SERINC1: variants seen among roughly 807,000 people sequenced by gnomAD.
SERINC1 encodes the protein serine incorporator 1.
In SERINC1, 38 loss-of-function variants were observed where a neutral mutation model predicts 52.9. That is an observed-to-expected ratio of 0.72 (90% CI 0.55 to 0.94). The LOEUF (loss-of-function observed/expected upper bound fraction) is 0.94. Ranked by LOEUF, SERINC1 falls within the 40% of genes least tolerant of loss-of-function variation. The pLI is 0.00. For synonymous variants in SERINC1, 198 were observed against 183.1 expected (o/e 1.08, Z -0.66); for missense variants, 471 against 533.9 (o/e 0.88, Z 1.16).
intron 7 of SERINC1, among the ~76,000 whole-genome samples, chr6:122,451,343 A>G (rs1168387664): frequency 6.6e-6 from 1 of 152,184 alleles, no homozygotes; most frequent in Non-Finnish European, 1.5e-5. Flanking sequence ...ATGCTATGGC[A>G]CACAACAGAC....
At position 122,445,883 on chromosome 6, in the gene SERINC1, C is replaced by CAAAA. The variant is rs71018202; in HGVS notation, c.1227-708_1227-705dup. Reference sequence around the variant, plus strand: ...TGGGTGACAGAGCAAGACTCCATTTCAAAAAAAAAAAAAAAAAGAACCAGC... The same window carrying CAAAA: ...TGGGTGACAGAGCAAGACTCCATTTCAAAAAAAAAAAAAAAAAAAAAGAACCAGC... On this transcript the variant is annotated intron_variant, in intron 9 of 9. Coordinates refer to ENST00000339697, the MANE Select transcript of SERINC1 (RefSeq NM_020755.4). Among the ~76,000 whole-genome samples the CAAAA allele has an allele frequency of 6.1e-3, 381 of 62,788 alleles. 37 individuals are homozygous for CAAAA. The highest frequency in any genetic ancestry group is 0.013 in the Middle Eastern group (1 of 76). The allele number at this position is 62,788 out of a possible 152,430, so 41.2% of individuals were successfully genotyped here.
chr6:122,465,122 A>G (rs1454858047), intron 1 of SERINC1, among the ~76,000 whole-genome samples: 1 of 152,160 alleles, frequency 6.6e-6, no homozygotes, highest in African/African-American at 2.4e-5. Flanking sequence ...TCCCAGAACA[A>G]ATCTAGGAAG....
chr6:122,466,316 T>C (rs1430799498), intron 1 of SERINC1, among the ~76,000 whole-genome samples: 1 of 152,152 alleles, frequency 6.6e-6, no homozygotes, highest in African/African-American at 2.4e-5. Context: ...TGTTTGTTTT[T>C]TGAGACAGAG....
chr6:122,451,568 C>T, intron 7 of SERINC1, 96 bp downstream of exon 7: 1 of 461,040 alleles, frequency 2.2e-6, no homozygotes, highest in Non-Finnish European at 3.9e-6. Context: ...CCTCTAGAAG[C>T]CTAATTTTTA....
At chr6:122,451,513 A>C (rs916011876) in intron 7 of SERINC1, 151 bp downstream of exon 7, 1 of 286,848 alleles carries the variant, frequency 3.5e-6, no homozygotes, top group Non-Finnish European at 6.6e-6. Flanking sequence ...GAAGAAACTA[A>C]GTGAAATAAA....
At position 122,454,198 on chromosome 6, in the gene SERINC1, G is replaced by T; in HGVS notation, c.404C>A (p.Ala135Glu). The T allele has an allele frequency of 6.3e-7, 1 of 1,585,216 alleles. No homozygotes were observed. Among genetic ancestry groups the T allele is most frequent in the South Asian group, 1.2e-5 (1 of 84,140 alleles). ...AATGAAGAATGCCCCAATAATAATTGCAATTGCTGCAGCAAATTTAAAGAA... is the reference window on the plus strand; with the variant it reads ...AATGAAGAATGCCCCAATAATAATTTCAATTGCTGCAGCAAATTTAAAGAA... Reference protein sequence around the residue: ...FWFFKFAAAIAIIIGAFFIPE... With the variant: ...FWFFKFAAAIEIIIGAFFIPE... Residue 135 changes from alanine (A) to glutamate (E), a missense_variant, in exon 4 of 10, where the codon GCA becomes GAA. Physicochemically the swap from Ala to Glu is moderately radical, Grantham distance 107. Coordinates refer to ENST00000339697, the MANE Select transcript of SERINC1 (RefSeq NM_020755.4).
intron 5 of SERINC1, among the ~76,000 whole-genome samples, chr6:122,452,478 T>C (rs1774928596): frequency 6.6e-6 from 1 of 152,184 alleles, no homozygotes; most frequent in Admixed American, 6.6e-5. Context: ...TCATTATTAA[T>C]GTTAAGCCCT....
chr6:122,453,171 C>A (rs1441285994), intron 5 of SERINC1, among the ~76,000 whole-genome samples: 14 of 152,050 alleles, frequency 9.2e-5, no homozygotes, highest in Non-Finnish European at 1.9e-4. Context: ...TCCTCCTGTT[C>A]CCTCATTTTT....
intron 7 of SERINC1, among the ~76,000 whole-genome samples, chr6:122,450,408 C>T (rs1251141420): frequency 2.0e-5 from 3 of 152,290 alleles, no homozygotes; most frequent in South Asian, 2.1e-4. Context: ...TACTCAATGA[C>T]GATGCACCTG....
intron 1 of SERINC1, among the ~76,000 whole-genome samples, chr6:122,458,917 C>T (rs368925419): frequency 5.3e-5 from 8 of 151,998 alleles, no homozygotes; most frequent in South Asian, 4.2e-4. Context: ...CCAAGTAAAA[C>T]GGACAAATCA....
intron 2 of SERINC1, 80 bp from the exon 3 acceptor site, chr6:122,456,730 A>C (rs1582634050): frequency 9.1e-7 from 1 of 1,095,498 alleles, no homozygotes. Flanking sequence ...CAAATAGTTT[A>C]AGTAAAGGTT....
chr6:122,452,256 A>C (rs1291210543), intron 5 of SERINC1, among the ~76,000 whole-genome samples, 199 bp from the exon 6 acceptor site: 5 of 152,238 alleles, frequency 3.3e-5, no homozygotes, highest in Non-Finnish European at 2.9e-5. Context: ...TCTAGTTTTT[A>C]CACATAGCTA....
chr6:122,470,555 A>G (rs1394052941), intron 1 of SERINC1, among the ~76,000 whole-genome samples: 2 of 152,168 alleles, frequency 1.3e-5, no homozygotes, highest in Non-Finnish European at 2.9e-5. Flanking sequence ...CAATAATTAA[A>G]CTCTCTAATA....
At chr6:122,466,400 A>AC (rs1775192935) in intron 1 of SERINC1, among the ~76,000 whole-genome samples, 1 of 152,158 alleles carries the variant, frequency 6.6e-6, no homozygotes, top group African/African-American at 2.4e-5. Context: ...CACTGAAGCC[A>AC]CAACCTCCCT....
At chr6:122,450,334 G>A (rs1002861373) in intron 7 of SERINC1, among the ~76,000 whole-genome samples, 11 of 152,086 alleles carry the variant, frequency 7.2e-5, no homozygotes, top group African/African-American at 2.7e-4. Flanking sequence ...TGAAAGTATG[G>A]GTTACGGAAT....
Position 122,446,854 on chromosome 6 carries a change from G to A in SERINC1, c.1146C>T (p.Val382=). The A allele has an allele frequency of 6.2e-7, 1 of 1,613,964 alleles. No individual in the cohort carries two copies. The highest frequency in any genetic ancestry group is 8.5e-7 in the Non-Finnish European group (1 of 1,179,876). ...AGTGAAAGAAGGAATAACTGTAAGTGACACCATCCCTTTCATTATCTACAG... is the reference window on the plus strand; with the variant it reads ...AGTGAAAGAAGGAATAACTGTAAGTAACACCATCCCTTTCATTATCTACAG... The part of the protein sequence containing the change: ...HRAVDNERDG[V]TYSYSFFHFM... Residue 382 remains valine, a synonymous_variant, in exon 9 of 10, where the codon GTC becomes GTT. Coordinates refer to ENST00000339697, the MANE Select transcript of SERINC1 (RefSeq NM_020755.4).
At chr6:122,457,237 C>T (rs1775013780) in intron 2 of SERINC1, among the ~76,000 whole-genome samples, 1 of 151,992 alleles carries the variant, frequency 6.6e-6, no homozygotes, top group African/African-American at 2.4e-5. Flanking sequence ...TTCTGTTATC[C>T]CTTCCCTCCC....
At chr6:122,468,720 C>T (rs1261140684) in intron 1 of SERINC1, among the ~76,000 whole-genome samples, 1 of 152,112 alleles carries the variant, frequency 6.6e-6, no homozygotes, top group Non-Finnish European at 1.5e-5. Context: ...TATTTAATTT[C>T]TACTCTGCAT....
intron 1 of SERINC1, among the ~76,000 whole-genome samples, chr6:122,461,850 T>C (rs545194428): frequency 8.6e-5 from 13 of 151,952 alleles, no homozygotes; most frequent in Admixed American, 2.0e-4. Flanking sequence ...CAAAGGAATA[T>C]GAAAGAGACA....
Sources: gnomAD v4.1 joint callset for allele counts (sites outside exome capture counted in the v4.1 genomes callset) on GRCh38, gnomAD v4.1.1 for gene constraint, MANE v1.5 for transcripts, NCBI Gene and HGNC (gene_info 2026-07-23, HGNC 2026-07-21) for gene names.